The following VWA3B variants were observed in gnomAD, a reference collection of about 807,000 sequenced individuals.
The protein encoded by VWA3B is von Willebrand factor A domain-containing protein 3B.
In VWA3B, 138 loss-of-function variants were observed where a neutral mutation model predicts 158.3. The observed-to-expected ratio is 0.87, with a 90% CI of 0.76 to 1.00. The LOEUF (loss-of-function observed/expected upper bound fraction) is 1.00, where lower values mean the gene tolerates loss of function less well. Ranked by LOEUF, VWA3B falls within the 50% of genes least tolerant of loss-of-function variation. The pLI, the probability that VWA3B is intolerant of heterozygous loss-of-function variation, is 0.00. For missense variants in VWA3B, 1,555 were observed against 1,565.1 expected (o/e 0.99, Z 0.11); for synonymous variants, 596 against 587.3 (o/e 1.01, Z -0.21).
At chr2:98,182,691 G>C in intron 9 of VWA3B, among the ~76,000 whole-genome samples, 1 of 152,014 alleles carries the variant, frequency 6.6e-6, no homozygotes, top group East Asian at 1.9e-4. Flanking sequence ...AGGCCAAGGC[G>C]GGCAGATCAC....
At chr2:98,293,789 T>G (rs1362533092) in intron 23 of VWA3B, among the ~76,000 whole-genome samples, 1 of 152,152 alleles carries the variant, frequency 6.6e-6, no homozygotes. Flanking sequence ...CGTAACACTA[T>G]TATAGTACTT....
downstream of VWA3B, among the ~76,000 whole-genome samples, chr2:98,314,877 G>C (rs769830422): frequency 1.3e-5 from 2 of 152,006 alleles, no homozygotes; most frequent in Non-Finnish European, 2.9e-5. Flanking sequence ...ACAAAAATTA[G>C]CTGGGTGTGG....
intron 12 of VWA3B, among the ~76,000 whole-genome samples, chr2:98,211,408 A>G (rs778003578): frequency 9.8e-5 from 15 of 152,342 alleles, no homozygotes; most frequent in Non-Finnish European, 1.5e-4. Flanking sequence ...AGTATTCAAG[A>G]GATTTTCTAA....
intron 16 of VWA3B, among the ~76,000 whole-genome samples, chr2:98,230,519 G>A (rs1685266533): frequency 6.6e-6 from 1 of 151,658 alleles, no homozygotes; most frequent in Non-Finnish European, 1.5e-5. Flanking sequence ...GTGTGTGTAT[G>A]TGTGTGTGTG....
chr2:98,240,365 T>C (rs1224884851), intron 19 of VWA3B, among the ~76,000 whole-genome samples: 1 of 152,222 alleles, frequency 6.6e-6, no homozygotes, highest in Non-Finnish European at 1.5e-5. Context: ...GATATTTACA[T>C]TGTGTTCTTC....
chr2:98,242,127 G>A (rs1316278548), intron 19 of VWA3B: 2 of 418,124 alleles, frequency 4.8e-6, no homozygotes, highest in African/African-American at 4.1e-5. Context: ...CCTGTGTTCT[G>A]TGCACGGCCA....
At chr2:98,098,570 G>C (rs567321908) in intron 2 of VWA3B, among the ~76,000 whole-genome samples, 1 of 152,014 alleles carries the variant, frequency 6.6e-6, no homozygotes, top group African/African-American at 2.4e-5. Context: ...GGAATATCTG[G>C]TTCTATCCTG....
At chr2:98,281,728 C>T (rs1688886954) in intron 22 of VWA3B, among the ~76,000 whole-genome samples, 1 of 152,034 alleles carries the variant, frequency 6.6e-6, no homozygotes, top group Admixed American at 6.5e-5. Context: ...GGCCCTCGTC[C>T]ATATCACCGA....
intron 14 of VWA3B, among the ~76,000 whole-genome samples, chr2:98,221,101 G>A (rs1180142374): frequency 6.6e-6 from 1 of 151,650 alleles, no homozygotes; most frequent in Admixed American, 6.6e-5. Flanking sequence ...AAACCTGCGT[G>A]TTCTGCACAT....
intron 2 of VWA3B, among the ~76,000 whole-genome samples, chr2:98,097,684 G>GT (rs1682807678): frequency 6.6e-6 from 1 of 152,234 alleles, no homozygotes; most frequent in African/African-American, 2.4e-5. Flanking sequence ...TCTCCATACT[G>GT]TTTTCCATAG....
At position 98,093,041 on chromosome 2, in the gene VWA3B, G is replaced by C; in HGVS notation, c.-32-20G>C. ...ATTTCCAAGTTTTTAGGAAGTCTGA[G>C]TTTATGATTGCCCTTACAGGAGTTT... On this transcript the variant is annotated intron_variant, in intron 1 of 27. Transcript: ENST00000477737. 1 of 1,570,212 alleles carries C rather than the reference G, an allele frequency of 6.4e-7. No homozygotes were observed. The highest frequency in any genetic ancestry group is 8.7e-7 in the Non-Finnish European group (1 of 1,151,996).
chr2:98,296,997 A>T (rs1202631027), intron 23 of VWA3B, among the ~76,000 whole-genome samples: 1 of 151,578 alleles, frequency 6.6e-6, no homozygotes, highest in Non-Finnish European at 1.5e-5. Flanking sequence ...TAATGGCAAA[A>T]ACCGCAATTA....
intron 23 of VWA3B, among the ~76,000 whole-genome samples, chr2:98,296,284 C>T (rs1020697942): frequency 6.6e-6 from 1 of 152,186 alleles, no homozygotes; most frequent in African/African-American, 2.4e-5. Context: ...GTGGGGCACA[C>T]AGTGCGTGGC....
At chr2:98,280,347 A>G (rs902606910) in intron 22 of VWA3B, among the ~76,000 whole-genome samples, 1 of 151,788 alleles carries the variant, frequency 6.6e-6, no homozygotes, top group African/African-American at 2.4e-5. Flanking sequence ...CACAAAGAAA[A>G]GAAAGAGAGA....
intron 6 of VWA3B, among the ~76,000 whole-genome samples, chr2:98,129,259 G>GGA (rs1244834574): frequency 6.8e-6 from 1 of 148,130 alleles, no homozygotes; most frequent in African/African-American, 2.5e-5. Flanking sequence ...GTGTGTGTGT[G>GGA]GAGAGAGAGG....
chr2:98,109,088 G>C (rs533313321), intron 2 of VWA3B, among the ~76,000 whole-genome samples: 1 of 151,292 alleles, frequency 6.6e-6, no homozygotes, highest in African/African-American at 2.4e-5. Flanking sequence ...TGCCTCCCGG[G>C]TTCAAGCAAT....
intron 20 of VWA3B, among the ~76,000 whole-genome samples, chr2:98,253,882 G>C (rs558583355): frequency 1.3e-5 from 2 of 152,122 alleles, no homozygotes; most frequent in African/African-American, 4.8e-5. Context: ...GTCCAGTGCC[G>C]GGCCTGAATC....
chr2:98,287,046 C>A (rs930252691), intron 22 of VWA3B, among the ~76,000 whole-genome samples: 1 of 152,148 alleles, frequency 6.6e-6, no homozygotes, highest in African/African-American at 2.4e-5. Context: ...GAGTTTTAGG[C>A]TCAAAACATT....
At chr2:98,283,385 A>G (rs1688992123) in intron 22 of VWA3B, among the ~76,000 whole-genome samples, 1 of 152,252 alleles carries the variant, frequency 6.6e-6, no homozygotes, top group Middle Eastern at 3.2e-3. Context: ...GGTCTTTGAC[A>G]TGAACACTGG....
Sources: gnomAD v4.1 joint callset for allele counts (sites outside exome capture counted in the v4.1 genomes callset) on GRCh38, gnomAD v4.1.1 for gene constraint, MANE v1.5 for transcripts, NCBI Gene and HGNC (gene_info 2026-07-23, HGNC 2026-07-21) for gene names.